TLCD4: variants seen among roughly 807,000 people sequenced by gnomAD.
TLCD4 encodes the protein TLC domain containing 4.
TLCD4 carries 7 observed loss-of-function variants against 24.2 expected under a neutral mutation model. That is an observed-to-expected ratio of 0.29 (90% CI 0.16 to 0.54). The LOEUF is 0.54. Ranked by LOEUF, TLCD4 falls within the 20% of genes least tolerant of loss-of-function variation. TLCD4 has a pLI of 0.95. For synonymous variants in TLCD4, 103 were observed against 106.4 expected (o/e 0.97, Z 0.20); for missense variants, 259 against 313.9 (o/e 0.82, Z 1.32).
At chr1:95,166,150 G>A (rs966302205) in intron 5 of TLCD4, among the ~76,000 whole-genome samples, 2 of 152,148 alleles carry the variant, frequency 1.3e-5, no homozygotes, top group Non-Finnish European at 2.9e-5. Flanking sequence ...GTTGCAGTGA[G>A]CTGCTTACAC....
the TLCD4 span, among the ~76,000 whole-genome samples, chr1:95,098,457 G>C: frequency 6.6e-6 from 1 of 152,080 alleles, no homozygotes; most frequent in African/African-American, 2.4e-5. Flanking sequence ...AACGCATATT[G>C]AGTTCCAAAC....
chr1:95,162,614 T>C (rs1677851924), intron 5 of TLCD4, among the ~76,000 whole-genome samples: 1 of 152,256 alleles, frequency 6.6e-6, no homozygotes, highest in South Asian at 2.1e-4. Context: ...CTTTACAATT[T>C]GGCATGTTTT....
At chr1:95,157,774 A>G (rs1239474011) in intron 5 of TLCD4, among the ~76,000 whole-genome samples, 3 of 152,244 alleles carry the variant, frequency 2.0e-5, no homozygotes, top group African/African-American at 4.8e-5. Flanking sequence ...AATTGTTCCA[A>G]GAGACCCAGG....
chr1:95,196,925 C>T lies in TLCD4; in HGVS notation c.*5057C>T, dbSNP rs375320132. On this transcript the variant is annotated 3_prime_UTR_variant, in exon 7 of 7. Coordinates refer to ENST00000370203, the MANE Select transcript of TLCD4 (RefSeq NM_152487.3). ...GAATTTTGTGTAGATAATACTCTCACTAACTTGTAAATAGGATAAGTTATG... is the reference window on the plus strand; with the variant it reads ...GAATTTTGTGTAGATAATACTCTCATTAACTTGTAAATAGGATAAGTTATG... The T allele has an allele frequency of 4.6e-5, 7 of 152,036 alleles. No individual in the cohort carries two copies. The East Asian group carries it at 1.2e-3, about 25-fold the overall frequency. The allele number at this position is 152,036 out of a possible 1,614,324, so 9.4% of individuals were successfully genotyped here. A position where few individuals can be genotyped will look rare whatever the true frequency, so the allele number is the denominator to read the frequency against.
At chr1:95,150,085 G>C in intron 3 of TLCD4, 123 bp from the exon 4 acceptor site, 1 of 1,319,058 alleles carries the variant, frequency 7.6e-7, no homozygotes, top group Non-Finnish European at 1.0e-6. Context: ...ATTTGAAGAT[G>C]ACAGCTTACC....
the TLCD4 span, among the ~76,000 whole-genome samples, chr1:95,105,900 A>C: frequency 6.7e-6 from 1 of 149,780 alleles, no homozygotes; most frequent in African/African-American, 2.4e-5. Flanking sequence ...GTCTTAAAAA[A>C]AAAAAAAAAA....
Position 95,143,952 on chromosome 1 carries a change from C to T in TLCD4, c.51C>T (p.Phe17=). Residue 17 remains phenylalanine (F), a synonymous_variant, in exon 2 of 7, where the codon TTC becomes TTT. Coordinates refer to ENST00000370203, the MANE Select transcript of TLCD4 (RefSeq NM_152487.3). ...LLISVTCISF[F]TFQLLFYFVS... is the part of the protein sequence containing the mutation. ...TCAGTGTTACCTGTATCAGCTTTTT[C>T]ACCTTTCAGCTTCTTTTCTACTTTG... The T allele has an allele frequency of 6.4e-7, 1 of 1,568,106 alleles. No homozygotes were observed. Among genetic ancestry groups the T allele is most frequent in the African/African-American group, 1.4e-5 (1 of 72,796 alleles).
chr1:95,134,541 C>A (rs578185574), intron 1 of TLCD4, among the ~76,000 whole-genome samples: 2 of 152,098 alleles, frequency 1.3e-5, no homozygotes, highest in Admixed American at 1.3e-4. Context: ...TATGACACTA[C>A]TTTCTGGGTG....
intron 6 of TLCD4, among the ~76,000 whole-genome samples, chr1:95,180,455 CAG>C (rs1451817644): frequency 6.6e-6 from 1 of 152,154 alleles, no homozygotes; most frequent in Non-Finnish European, 1.5e-5. Flanking sequence ...CAGCTTCTGT[CAG>C]AGTTTCCATA....
intron 5 of TLCD4, among the ~76,000 whole-genome samples, chr1:95,154,494 G>T (rs1380882344): frequency 2.6e-5 from 4 of 152,138 alleles, no homozygotes; most frequent in African/African-American, 4.8e-5. Context: ...GCTCATTGGA[G>T]AAGGTCATGT....
Position 95,191,691 on chromosome 1 carries a change from AG to A in TLCD4, c.616del (p.Glu206AsnfsTer4), listed in dbSNP as rs1557701233. 1 of 1,614,088 alleles carries A rather than the reference AG, an allele frequency of 6.2e-7. No homozygotes were observed. On this transcript the variant is annotated frameshift_variant, in exon 7 of 7. Transcript: ENST00000370203. LOFTEE classifies it high-confidence loss of function. ...GCTTCATGTATTCCGTGTATGGAAC[AG>A]AACCCTACATAAGGCTTGGAGTTTT... ...YGFMYSVYGTEPYIRLGVLIQ... is the reference protein window; with the variant it reads ...YGFMYSVYGTXPYIRLGVLIQ...
At chr1:95,103,706 T>G in the TLCD4 span, among the ~76,000 whole-genome samples, 77,767 of 152,096 alleles carry the variant, frequency 0.51, 21,366 homozygotes, top group Non-Finnish European at 0.6. Flanking sequence ...TTGACAAGTG[T>G]TGAAATTCGA....
intron 5 of TLCD4, among the ~76,000 whole-genome samples, chr1:95,155,152 C>T (rs962753418): frequency 6.6e-6 from 1 of 151,902 alleles, no homozygotes; most frequent in Admixed American, 6.6e-5. Flanking sequence ...TCTTTTCCCC[C>T]CCACCTTATA....
At chr1:95,173,940 G>A (rs1678325719) in intron 6 of TLCD4, 51 bp downstream of exon 6, 2 of 1,609,634 alleles carry the variant, frequency 1.2e-6, no homozygotes. Flanking sequence ...TTTATTTTTA[G>A]TTTGGGCAAA....
intron 5 of TLCD4, among the ~76,000 whole-genome samples, chr1:95,162,037 T>G (rs969612607): frequency 5.3e-5 from 8 of 152,198 alleles, no homozygotes; most frequent in Non-Finnish European, 1.2e-4. Flanking sequence ...CAGAGCTGAG[T>G]TCAATTCCTG....
the TLCD4 span, among the ~76,000 whole-genome samples, chr1:95,093,906 C>T: frequency 1.3e-5 from 2 of 152,160 alleles, no homozygotes; most frequent in African/African-American, 2.4e-5. Flanking sequence ...ATAATCTTGT[C>T]CCATCCCTTT....
At chr1:95,174,198 A>G (rs1678336625) in intron 6 of TLCD4, 2 of 285,632 alleles carry the variant, frequency 7.0e-6, no homozygotes, top group Non-Finnish European at 1.3e-5. Flanking sequence ...GATGAATGGT[A>G]TTCACTGAAT....
intron 1 of TLCD4, among the ~76,000 whole-genome samples, chr1:95,126,065 G>T (rs1676725402): frequency 6.6e-6 from 1 of 151,720 alleles, no homozygotes; most frequent in African/African-American, 2.4e-5. Flanking sequence ...TCTGAGGCAG[G>T]AGGATCACTT....
the TLCD4 span, among the ~76,000 whole-genome samples, chr1:95,092,950 G>A: frequency 6.6e-6 from 1 of 152,190 alleles, no homozygotes; most frequent in Non-Finnish European, 1.5e-5. Context: ...TGTTGGACAG[G>A]CTGGTCTTGA....
Sources: gnomAD v4.1 joint callset for allele counts (sites outside exome capture counted in the v4.1 genomes callset) on GRCh38, gnomAD v4.1.1 for gene constraint, MANE v1.5 for transcripts, NCBI Gene and HGNC (gene_info 2026-07-23, HGNC 2026-07-21) for gene names.